HECW2: variants seen among roughly 807,000 people sequenced by gnomAD.
HECW2 encodes the protein HECT, C2 and WW domain containing E3 ubiquitin protein ligase 2.
In HECW2, 61 loss-of-function variants were observed where a neutral mutation model predicts 175.2. The observed-to-expected ratio is 0.35, with a 90% confidence interval of 0.28 to 0.43. HECW2 has a LOEUF of 0.43. Ranked by LOEUF, HECW2 falls within the 20% of genes least tolerant of loss-of-function variation. The probability of loss-of-function intolerance (pLI) is 1.00; values close to 1 mark genes in which losing one functional copy is unlikely to be tolerated. For missense variants in HECW2, 1,524 were observed against 2,000.5 expected (o/e 0.76, Z 4.54); for synonymous variants, 671 against 731.0 (o/e 0.92, Z 1.32).
Position 196,198,718 on chromosome 2 carries a change from T to C in HECW2, c.*2559A>G, listed in dbSNP as rs1686765925. The C allele has an allele frequency of 6.6e-6, 1 of 152,240 alleles. No individual in the cohort carries two copies. 9.4% of individuals were successfully genotyped at this position (152,240 alleles called of 1,614,324 possible). A position where few individuals can be genotyped will look rare whatever the true frequency, so the allele number is the denominator to read the frequency against. ...TTCACAGTCCAGAAGAAAATATTTA[T>C]GGATATTTCTAATTGTAGAGTACAT... On this transcript the variant is annotated 3_prime_UTR_variant, in exon 29 of 29. Coordinates refer to ENST00000644978, the MANE Select transcript of HECW2 (RefSeq NM_001348768.2).
chr2:196,491,452 CTT>C (rs1227832084), intron 1 of HECW2, among the ~76,000 whole-genome samples: 6 of 139,918 alleles, frequency 4.3e-5, no homozygotes, highest in African/African-American at 7.9e-5. Flanking sequence ...TATATACACA[CTT>C]AGGTATATTA....
intron 1 of HECW2, among the ~76,000 whole-genome samples, chr2:196,481,193 T>C (rs1161241428): frequency 1.3e-5 from 2 of 152,206 alleles, no homozygotes; most frequent in Non-Finnish European, 2.9e-5. Flanking sequence ...AGCCAATGTT[T>C]TTTAAAAGAT....
In HECW2 at chr2:196,307,735, T is replaced by C. The variant is rs146358411; in HGVS notation, c.2585+200A>G. ...TTTGTTCTCTAGTTTCCAAACAAGG[T>C]ATATATGTGGGTGAGTATTATTATT... On this transcript the variant is annotated intron_variant, in intron 11 of 28. Coordinates refer to ENST00000644978, the MANE Select transcript of HECW2 (RefSeq NM_001348768.2). Among the ~76,000 whole-genome samples, 3 of 152,278 alleles carry C rather than the reference T, an allele frequency of 2.0e-5. No homozygotes were observed. The East Asian group carries it at 5.8e-4, about 29-fold the overall frequency.
rs765055011 is a variant in HECW2, at chr2:196,306,499, G to T, written c.2803C>A (p.His935Asn). Residue 935 changes from histidine (H) to asparagine (N), a missense_variant, in exon 13 of 29, where the codon CAT (histidine) becomes AAT (asparagine). Transcript: ENST00000644978. ...GATTCGCTACTCACAGGGTTAGAAT[G>T]CAGCACGGTGAAGAACTCTGGGCTG... Reference protein sequence around the residue: ...LISPEFFTVLHSNPSAYRMFT... With the variant: ...LISPEFFTVLNSNPSAYRMFT... 1 of 1,610,548 alleles carries T rather than the reference G, an allele frequency of 6.2e-7. No individual in the cohort carries two copies. The highest frequency in any genetic ancestry group is 1.7e-5 in the Admixed American group (1 of 59,526).
At chr2:196,476,815 G>T (rs1373063089) in intron 1 of HECW2, among the ~76,000 whole-genome samples, 1 of 151,730 alleles carries the variant, frequency 6.6e-6, no homozygotes, top group Non-Finnish European at 1.5e-5. Context: ...AACTGTAAAA[G>T]ATTGAGGTTT....
chr2:196,583,424 T>A (rs761771607), intron 1 of HECW2, among the ~76,000 whole-genome samples: 1 of 152,232 alleles, frequency 6.6e-6, no homozygotes, highest in African/African-American at 2.4e-5. Flanking sequence ...AACTTTACTG[T>A]GCATCCAACA....
intron 1 of HECW2, among the ~76,000 whole-genome samples, chr2:196,483,307 C>T (rs188044113): frequency 3.1e-4 from 47 of 152,206 alleles, no homozygotes; most frequent in African/African-American, 1.1e-3. Flanking sequence ...TGCTAAGCTC[C>T]ATGTTACAAA....
intron 2 of HECW2, chr2:196,361,756 G>C: frequency 1.0e-6 from 1 of 972,964 alleles, no homozygotes; most frequent in Non-Finnish European, 1.2e-6. Flanking sequence ...CAAACAGCTG[G>C]ACAAGGAAAT....
At chr2:196,557,194 G>A (rs571102546) in intron 1 of HECW2, among the ~76,000 whole-genome samples, 11 of 152,198 alleles carry the variant, frequency 7.2e-5, no homozygotes, top group Admixed American at 5.9e-4. Context: ...TCAGGAGTTC[G>A]AGACCAGCCT....
At chr2:196,566,455 G>A (rs13428501) in intron 1 of HECW2, among the ~76,000 whole-genome samples, 29,004 of 151,466 alleles carry the variant, frequency 0.19, 3,177 homozygotes, top group African/African-American at 0.3. Context: ...TACTCTTGTC[G>A]TTAGAAAAAT....
intron 2 of HECW2, among the ~76,000 whole-genome samples, chr2:196,426,337 T>C (rs927700644): frequency 6.6e-6 from 1 of 152,176 alleles, no homozygotes; most frequent in African/African-American, 2.4e-5. Context: ...TTTTCCATAA[T>C]GGCTGTACTA....
chr2:196,207,627 G>T (rs1450037085), intron 28 of HECW2, among the ~76,000 whole-genome samples: 1 of 152,154 alleles, frequency 6.6e-6, no homozygotes, highest in African/African-American at 2.4e-5. Flanking sequence ...GTTCCATTTT[G>T]GGACCAATGA....
At chr2:196,383,736 A>C (rs1226552305) in intron 2 of HECW2, among the ~76,000 whole-genome samples, 1 of 152,236 alleles carries the variant, frequency 6.6e-6, no homozygotes, top group African/African-American at 2.4e-5. Context: ...AGGTGGGCTG[A>C]GGAATAAAAT....
intron 2 of HECW2, among the ~76,000 whole-genome samples, chr2:196,408,758 CAT>C (rs1161341396): frequency 6.6e-6 from 1 of 152,156 alleles, no homozygotes; most frequent in Non-Finnish European, 1.5e-5. Flanking sequence ...TTTTTTATCA[CAT>C]GTTAAGTCAA....
intron 1 of HECW2, among the ~76,000 whole-genome samples, chr2:196,592,238 C>G (rs962550071): frequency 6.6e-6 from 1 of 152,152 alleles, no homozygotes; most frequent in Admixed American, 6.5e-5. Flanking sequence ...CCGAAGTTTG[C>G]ATGCTGTCCA....
At chr2:196,500,688 G>T (rs1170491734) in intron 1 of HECW2, among the ~76,000 whole-genome samples, 2 of 152,142 alleles carry the variant, frequency 1.3e-5, no homozygotes, top group East Asian at 3.9e-4. Flanking sequence ...AAAGTCCATT[G>T]TCTATGTTTT....
chr2:196,335,481 C>A (rs906710778), intron 3 of HECW2, among the ~76,000 whole-genome samples: 1 of 152,190 alleles, frequency 6.6e-6, no homozygotes, highest in African/African-American at 2.4e-5. Context: ...GGGAGTTCCT[C>A]TCTCAAATGA....
intron 2 of HECW2, among the ~76,000 whole-genome samples, chr2:196,402,361 A>G (rs888990415): frequency 2.0e-5 from 3 of 152,132 alleles, no homozygotes; most frequent in Admixed American, 1.3e-4. Context: ...GATGGCTTGC[A>G]AGAGATTTAC....
intron 1 of HECW2, among the ~76,000 whole-genome samples, chr2:196,461,176 G>A (rs1159793078): frequency 6.6e-6 from 1 of 152,124 alleles, no homozygotes; most frequent in Non-Finnish European, 1.5e-5. Context: ...AAGGGAGGGA[G>A]GGAGAAAGAA....
Sources: gnomAD v4.1 joint callset for allele counts (sites outside exome capture counted in the v4.1 genomes callset) on GRCh38, gnomAD v4.1.1 for gene constraint, MANE v1.5 for transcripts, NCBI Gene and HGNC (gene_info 2026-07-23, HGNC 2026-07-21) for gene names.